NRXN3: variants seen among roughly 807,000 people sequenced by gnomAD.
NRXN3 encodes neurexin III.
Under a neutral mutation model 137.6 loss-of-function variants are expected in NRXN3, and 32 were observed. The observed-to-expected ratio is 0.23, with a 90% CI of 0.18 to 0.31. NRXN3 has a LOEUF of 0.31. Among genes scored for constraint, NRXN3 ranks in the 10% least tolerant of loss-of-function variants. The probability of loss-of-function intolerance (pLI) is 1.00; values close to 1 mark genes in which losing one functional copy is unlikely to be tolerated. For missense variants in NRXN3, 1,574 were observed against 2,062.5 expected, an observed-to-expected ratio of 0.76 and a Z score of 4.59; for synonymous variants, 798 against 784.5, an observed-to-expected ratio of 1.02 and a Z score of -0.29.
intron 4 of NRXN3, among the ~76,000 whole-genome samples, chr14:78,433,462 T>G (rs1024378205): frequency 2.6e-5 from 4 of 152,084 alleles, no homozygotes; most frequent in Non-Finnish European, 5.9e-5. Flanking sequence ...TTTGAATGTG[T>G]CCCCCAAAGT....
chr14:78,982,124 A>G (rs2099490943), intron 14 of NRXN3, among the ~76,000 whole-genome samples: 1 of 152,212 alleles, frequency 6.6e-6, no homozygotes, highest in Non-Finnish European at 1.5e-5. Flanking sequence ...AATGTAAATA[A>G]AAACAGTTTC....
chr14:78,175,402 C>T (rs1241469154), intron 1 of NRXN3, among the ~76,000 whole-genome samples: 1 of 152,160 alleles, frequency 6.6e-6, no homozygotes, highest in Non-Finnish European at 1.5e-5. Context: ...GCCGTGTTCT[C>T]CTTACATGAC....
intron 8 of NRXN3, among the ~76,000 whole-genome samples, chr14:78,735,683 T>C (rs546330386): frequency 7.2e-5 from 11 of 152,286 alleles, no homozygotes; most frequent in Middle Eastern, 3.4e-3. Context: ...ATCAGTCAAT[T>C]CTTATCCTCT....
intron 2 of NRXN3, among the ~76,000 whole-genome samples, chr14:78,273,056 A>G (rs1028872910): frequency 6.6e-6 from 1 of 152,204 alleles, no homozygotes; most frequent in Non-Finnish European, 1.5e-5. Context: ...TTCCCCATAC[A>G]CAGACCCCAT....
At chr14:79,217,704 A>T (rs1167387943) in intron 15 of NRXN3, among the ~76,000 whole-genome samples, 2 of 152,098 alleles carry the variant, frequency 1.3e-5, no homozygotes, top group Non-Finnish European at 2.9e-5. Context: ...ACAAAACAAA[A>T]AAAACTCTGG....
intron 15 of NRXN3, among the ~76,000 whole-genome samples, chr14:79,099,416 G>C (rs1017178541): frequency 6.6e-6 from 1 of 152,126 alleles, no homozygotes; most frequent in Non-Finnish European, 1.5e-5. Flanking sequence ...ACACTTCTGA[G>C]AGTCAAAAGG....
intron 2 of NRXN3, among the ~76,000 whole-genome samples, chr14:78,258,416 G>C (rs1002754173): frequency 4.6e-5 from 7 of 152,030 alleles, no homozygotes; most frequent in Non-Finnish European, 1.0e-4. Flanking sequence ...AGGGGCAGGT[G>C]GGGGCAATGG....
chr14:79,351,956 T>C (rs1411429489), intron 15 of NRXN3, among the ~76,000 whole-genome samples: 1 of 152,192 alleles, frequency 6.6e-6, no homozygotes, highest in Admixed American at 6.5e-5. Context: ...GCTTTAAAAG[T>C]CTGAAGCAAG....
intron 15 of NRXN3, among the ~76,000 whole-genome samples, chr14:79,346,727 G>A (rs568040967): frequency 3.3e-4 from 51 of 152,244 alleles, no homozygotes; most frequent in African/African-American, 1.2e-3. Flanking sequence ...ATGCTTAGGT[G>A]TATCACTCCT....
At chr14:79,145,114 C>T (rs914226775) in intron 15 of NRXN3, among the ~76,000 whole-genome samples, 8 of 152,076 alleles carry the variant, frequency 5.3e-5, no homozygotes, top group African/African-American at 1.2e-4. Context: ...CATCAAGGGG[C>T]GCGATTTTAG....
intron 4 of NRXN3, among the ~76,000 whole-genome samples, chr14:78,533,873 T>C (rs1200257533): frequency 6.6e-6 from 1 of 152,228 alleles, no homozygotes; most frequent in Non-Finnish European, 1.5e-5. Context: ...TTTTTGTATT[T>C]TTTTTCCTCA....
chr14:79,695,764 A>G (rs892097289), intron 18 of NRXN3, among the ~76,000 whole-genome samples: 1 of 152,110 alleles, frequency 6.6e-6, no homozygotes, highest in South Asian at 2.1e-4. Flanking sequence ...AGAGGACAAA[A>G]TACAGACAGT....
intron 19 of NRXN3, among the ~76,000 whole-genome samples, chr14:79,699,959 G>T (rs1382725344): frequency 1.3e-5 from 2 of 152,012 alleles, no homozygotes; most frequent in Non-Finnish European, 2.9e-5. Flanking sequence ...AAAAGCCCTG[G>T]ATTTTTTGGA....
chr14:79,788,524 C>T (rs1172307879), intron 19 of NRXN3, among the ~76,000 whole-genome samples: 1 of 152,176 alleles, frequency 6.6e-6, no homozygotes, highest in East Asian at 1.9e-4. Context: ...CCATTTCAAA[C>T]CACATAACAA....
chr14:78,471,285 ACACT>A (rs2095261577), intron 4 of NRXN3, among the ~76,000 whole-genome samples: 1 of 126,530 alleles, frequency 7.9e-6, no homozygotes, highest in Admixed American at 1.0e-4. Context: ...TCTCTTCAAC[ACACT>A]CAACACACAC....
chr14:79,026,969 TATATATATATA>T (rs2099599368), intron 15 of NRXN3, among the ~76,000 whole-genome samples: 1 of 440 alleles, frequency 2.3e-3, no homozygotes, highest in Non-Finnish European at 8.5e-3. Flanking sequence ...TATATATATA[TATATATATATA>T]TATATATATA....
intron 16 of NRXN3, among the ~76,000 whole-genome samples, chr14:79,532,117 T>C (rs1200885925): frequency 6.6e-6 from 1 of 152,148 alleles, no homozygotes; most frequent in African/African-American, 2.4e-5. Context: ...TTCTCAATGT[T>C]CTGAAAATCT....
rs1433938940 is a variant in NRXN3, at chr14:79,259,721, C to CACAT, written c.3263-207497_3263-207496insTACA. Among the ~76,000 whole-genome samples, 49 of 147,190 alleles carry CACAT rather than the reference C, an allele frequency of 3.3e-4. 1 individual carries two copies. Among genetic ancestry groups the CACAT allele is most frequent in the Admixed American group, 2.0e-4 (3 of 14,824 alleles). On this transcript the variant is annotated intron_variant, in intron 15 of 20. Transcript: ENST00000335750. ...ATATATAGTTTTATACACACACACA[C>CACAT]ACACACACACACACACACACACATA...
In NRXN3 at chr14:78,387,391, C is replaced by T. The variant is rs114181613; in HGVS notation, c.757+89531C>T. Among the ~76,000 whole-genome samples, 598 of 152,212 alleles carry T rather than the reference C, an allele frequency of 3.9e-3. 3 individuals carry two copies. The highest frequency in any genetic ancestry group is 0.013 in the African/African-American group (540 of 41,536). On this transcript the variant is annotated intron_variant, in intron 4 of 20. Transcript: ENST00000335750. Reference sequence around the variant, plus strand: ...AGAAAAGAAACACTTATCTAGAAGACGCTATGTGACCTTGGGGTGACCTTA... The same window carrying T: ...AGAAAAGAAACACTTATCTAGAAGATGCTATGTGACCTTGGGGTGACCTTA...
Sources: gnomAD v4.1 joint callset for allele counts (sites outside exome capture counted in the v4.1 genomes callset) on GRCh38, gnomAD v4.1.1 for gene constraint, MANE v1.5 for transcripts, NCBI Gene and HGNC (gene_info 2026-07-23, HGNC 2026-07-21) for gene names.